Variants in ZNF782 observed in about 807,000 individuals in gnomAD.
The protein encoded by ZNF782 is zinc finger protein 782.
ZNF782 carries 12 observed loss-of-function variants against 13.0 expected under a neutral mutation model. The ratio of observed to expected loss-of-function variants is 0.92; its 90% CI spans 0.59 to 1.50. The LOEUF (loss-of-function observed/expected upper bound fraction) is 1.50. Ranked by LOEUF, ZNF782 falls within the 40% of genes most tolerant of loss-of-function variation. The probability of loss-of-function intolerance (pLI) is 0.00; values close to 1 mark genes in which losing one functional copy is unlikely to be tolerated. For missense variants in ZNF782, 770 were observed against 822.9 expected (o/e 0.94, Z 0.79); for synonymous variants, 284 against 283.0 (o/e 1.00, Z -0.04).
the ZNF782 span, among the ~76,000 whole-genome samples, chr9:96,912,038 A>G: frequency 5.3e-5 from 8 of 151,014 alleles, no homozygotes; most frequent in Admixed American, 5.3e-4. Flanking sequence ...TATCACTACT[A>G]AAAATACAAA....
At chr9:96,931,260 A>G in the ZNF782 span, among the ~76,000 whole-genome samples, 1 of 151,298 alleles carries the variant, frequency 6.6e-6, no homozygotes, top group African/African-American at 2.4e-5. Context: ...GGAAAGGAAG[A>G]CTGAAGAGGA....
At chr9:96,862,796 A>G (rs1851715842) in intron 1 of ZNF782, among the ~76,000 whole-genome samples, 1 of 152,262 alleles carries the variant, frequency 6.6e-6, no homozygotes, top group African/African-American at 2.4e-5. Context: ...CACTGTATAA[A>G]CTGGTTTCTT....
chr9:96,817,891 A>C lies in ZNF782; in HGVS notation c.*32T>G. The stretch of plus-strand genomic sequence containing the variant: ...TATTGTGAGGTTTGATTTCCAGCTC[A>C]GAGTTTTTTCGTATTCTTTATATGC... On this transcript the variant is annotated 3_prime_UTR_variant, in exon 6 of 6. Transcript: ENST00000481138. 6.6e-7 allele frequency: 1 copy of C among 1,515,574 alleles called. No homozygotes were observed. Among genetic ancestry groups the C allele is most frequent in the Non-Finnish European group, 8.8e-7 (1 of 1,134,592 alleles). The allele number at this position is 1,515,574 out of a possible 1,614,324, so 93.9% of individuals were successfully genotyped here.
intron 5 of ZNF782, among the ~76,000 whole-genome samples, chr9:96,820,840 A>G (rs953971322): frequency 5.9e-5 from 9 of 152,154 alleles, no homozygotes; most frequent in Non-Finnish European, 1.3e-4. Flanking sequence ...ATGAGCCACC[A>G]CATCCGGCCA....
chr9:96,929,375 G>A, the ZNF782 span, among the ~76,000 whole-genome samples: 1 of 151,878 alleles, frequency 6.6e-6, no homozygotes, highest in Admixed American at 6.6e-5. Context: ...CAGGGAGAAT[G>A]ACGGGCAAGC....
Position 96,817,870 on chromosome 9 carries a change from G to T in ZNF782, c.*53C>A. 1 of 1,454,406 alleles carries T rather than the reference G, an allele frequency of 6.9e-7. No homozygotes were observed. The allele number at this position is 1,454,406 out of a possible 1,614,324, so 90.1% of individuals were successfully genotyped here. A position where few individuals can be genotyped will look rare whatever the true frequency, so the allele number is the denominator to read the frequency against. On this transcript the variant is annotated 3_prime_UTR_variant, in exon 6 of 6. Transcript: ENST00000481138. ...TCTCCTGTGTGTTCATTTATGTATT[G>T]TGAGGTTTGATTTCCAGCTCAGAGT...
rs756623020 is a variant in ZNF782 at position 96,819,013 on chromosome 9, T to C, written c.1010A>G (p.Tyr337Cys). The change falls in exon 6 of 6, where the codon TAC becomes TGC. Residue 337 changes from tyrosine (Y) to cysteine (C), a missense_variant. Transcript: ENST00000481138. ...CTCTGTACATGGGTGATAATCAGAG[T>C]ATTTATCTGTTGCATGAGTTCTCTG... ...VHQRTHATDK[Y>C]SDYHPCTETF... The C allele has an allele frequency of 1.2e-6, 2 of 1,613,888 alleles. No individual in the cohort carries two copies. Among genetic ancestry groups the C allele is most frequent in the African/African-American group, 1.3e-5 (1 of 74,882 alleles).
the ZNF782 span, among the ~76,000 whole-genome samples, chr9:96,898,759 C>G: frequency 6.8e-6 from 1 of 147,044 alleles, no homozygotes; most frequent in African/African-American, 2.6e-5. Flanking sequence ...GTTGGCCAGG[C>G]TGGTCTCGAA....
At chr9:96,861,902 C>T (rs569576353) in intron 1 of ZNF782, among the ~76,000 whole-genome samples, 2 of 152,196 alleles carry the variant, frequency 1.3e-5, no homozygotes, top group African/African-American at 4.8e-5. Context: ...AGCAATCCCA[C>T]TGCTGGGTAT....
chr9:96,873,657 G>A (rs1045648813), intron 1 of ZNF782, among the ~76,000 whole-genome samples: 6 of 152,250 alleles, frequency 3.9e-5, no homozygotes, highest in African/African-American at 1.2e-4. Flanking sequence ...CAGTGAGCAT[G>A]CCTGCGCTCC....
the ZNF782 span, among the ~76,000 whole-genome samples, chr9:96,900,164 C>T: frequency 6.6e-6 from 1 of 151,278 alleles, no homozygotes; most frequent in Non-Finnish European, 1.5e-5. Flanking sequence ...ATTGGTTAAG[C>T]TCACAGAGCT....
the ZNF782 span, among the ~76,000 whole-genome samples, chr9:96,923,614 CACA>C: frequency 1.5e-5 from 2 of 132,598 alleles, no homozygotes. Flanking sequence ...TGCCCACATG[CACA>C]ACAAGGTAAT....
At chr9:96,901,761 T>C in the ZNF782 span, among the ~76,000 whole-genome samples, 2 of 150,328 alleles carry the variant, frequency 1.3e-5, no homozygotes, top group African/African-American at 4.9e-5. Context: ...ACACCTGTAA[T>C]CCCAGCTACT....
upstream of ZNF782, among the ~76,000 whole-genome samples, chr9:96,856,500 G>A (rs1030624286): frequency 6.6e-6 from 1 of 152,196 alleles, no homozygotes; most frequent in Admixed American, 6.5e-5. Flanking sequence ...TCCTGCATGC[G>A]AATGATCAAA....
At chr9:96,827,055 C>G (rs768282279) in intron 5 of ZNF782, 25 bp downstream of exon 5, 1 of 1,524,946 alleles carries the variant, frequency 6.6e-7, no homozygotes, top group Non-Finnish European at 9.0e-7. Context: ...AGAGAACCTT[C>G]TTCTTGTTGA....
intron 1 of ZNF782, among the ~76,000 whole-genome samples, chr9:96,867,798 C>A (rs540461017): frequency 3.9e-5 from 6 of 152,178 alleles, no homozygotes; most frequent in Non-Finnish European, 7.3e-5. Context: ...GAGGCTGTCA[C>A]CTTTCTGCTT....
the ZNF782 span, among the ~76,000 whole-genome samples, chr9:96,901,126 C>T: frequency 1.3e-5 from 2 of 149,556 alleles, no homozygotes; most frequent in African/African-American, 5.0e-5. Flanking sequence ...GGCCACAGCA[C>T]TCCAGCCTGG....
chr9:96,828,406 C>G (rs1012978609), intron 4 of ZNF782, among the ~76,000 whole-genome samples: 1 of 152,098 alleles, frequency 6.6e-6, no homozygotes, highest in Non-Finnish European at 1.5e-5. Flanking sequence ...TAAAAGAATA[C>G]AACAAAATCT....
intron 1 of ZNF782, among the ~76,000 whole-genome samples, chr9:96,864,525 A>G (rs147788511): frequency 6.6e-6 from 1 of 152,166 alleles, no homozygotes; most frequent in African/African-American, 2.4e-5. Flanking sequence ...AGAAAACAAC[A>G]TATCTGCTTA....
Sources: gnomAD v4.1 joint callset for allele counts (sites outside exome capture counted in the v4.1 genomes callset) on GRCh38, gnomAD v4.1.1 for gene constraint, MANE v1.5 for transcripts, NCBI Gene and HGNC (gene_info 2026-07-23, HGNC 2026-07-21) for gene names.